DOCK7: variants seen among roughly 807,000 people sequenced by gnomAD.
The protein encoded by DOCK7 is dedicator of cytokinesis protein 7.
Under a neutral mutation model 271.0 loss-of-function variants are expected in DOCK7, and 138 were observed. The observed-to-expected ratio is 0.51, with a 90% CI of 0.44 to 0.59. DOCK7 has a LOEUF of 0.59. Ranked by LOEUF, DOCK7 falls within the 20% of genes least tolerant of loss-of-function variation. The probability of loss-of-function intolerance (pLI) is 0.00; values close to 1 mark genes in which losing one functional copy is unlikely to be tolerated. For synonymous variants in DOCK7, 823 were observed against 876.1 expected (o/e 0.94, Z 1.07); for missense variants, 2,066 against 2,592.4 (o/e 0.80, Z 4.41).
At chr1:62,534,959 C>T (rs762643900) in intron 29 of DOCK7, among the ~76,000 whole-genome samples, 14 of 152,128 alleles carry the variant, frequency 9.2e-5, no homozygotes, top group South Asian at 4.1e-4. Flanking sequence ...GGTGTGGTGA[C>T]GTGTGCCTGT....
chr1:62,525,859 A>G (rs1336051648), intron 31 of DOCK7, among the ~76,000 whole-genome samples: 1 of 152,252 alleles, frequency 6.6e-6, no homozygotes, highest in African/African-American at 2.4e-5. Context: ...AGGAAGGGAG[A>G]AAGTATTTGT....
chr1:62,597,954 G>C, intron 14 of DOCK7: 1 of 1,551,748 alleles, frequency 6.4e-7, no homozygotes, highest in Non-Finnish European at 8.6e-7. Context: ...CCTCCTAGAA[G>C]AAAAAATTCT....
chr1:62,558,860 C>T, intron 20 of DOCK7, 129 bp downstream of exon 20: 4 of 716,378 alleles, frequency 5.6e-6, no homozygotes, highest in Non-Finnish European at 8.8e-6. Context: ...AAGTAAATAA[C>T]ATCTTCCACC....
intron 14 of DOCK7, chr1:62,604,978 C>T (rs1650759337): frequency 1.5e-6 from 1 of 680,130 alleles, no homozygotes; most frequent in Non-Finnish European, 2.5e-6. Flanking sequence ...AATCACATAA[C>T]CTTAAAGAAT....
intron 31 of DOCK7, among the ~76,000 whole-genome samples, chr1:62,523,753 G>C (rs1025315378): frequency 2.6e-5 from 4 of 152,080 alleles, no homozygotes; most frequent in Admixed American, 2.6e-4. Context: ...TATAGTCCCA[G>C]CTACTCAGGA....
At position 62,454,938 on chromosome 1, in the gene DOCK7, G is replaced by T; in HGVS notation, c.*476C>A. 3.1e-6 allele frequency: 1 copy of T among 320,352 alleles called. No homozygotes were observed. The highest frequency in any genetic ancestry group is 4.6e-5 in the East Asian group (1 of 21,506). 19.8% of individuals were successfully genotyped at this position (320,352 alleles called of 1,614,324 possible). On this transcript the variant is annotated 3_prime_UTR_variant, in exon 50 of 50. Transcript: ENST00000635253. ...TTTTATTCTGCTAGGTTTGGAACTA[G>T]TTCTTGAGTCAACCCTTTAATTGTT... is the stretch of plus-strand genomic sequence containing the variant.
In DOCK7 at chr1:62,552,861, C is replaced by T; in HGVS notation, c.2637G>A (p.Met879Ile). ...GLGGSVHYAT[M>I]ARSAVRPASL... ...TTGCAGGTCTCACCGCAGATCTAGCCATTGTGGCATAATGCACTGATCCTC... is the reference window on the plus strand; with the variant it reads ...TTGCAGGTCTCACCGCAGATCTAGCTATTGTGGCATAATGCACTGATCCTC... Residue 879 changes from methionine to isoleucine, a missense_variant, in exon 22 of 50, where the codon ATG (methionine) becomes ATA (isoleucine). Physicochemically the swap from Met to Ile is conservative, Grantham distance 10 (BLOSUM62 1). This residue lies in a region of DOCK7 where 1,414 missense variants were observed against 1,670.4 expected (regional missense o/e 0.85). Transcript: ENST00000635253. 6.2e-7 allele frequency: 1 copy of T among 1,613,456 alleles called. No individual in the cohort carries two copies. Among genetic ancestry groups the T allele is most frequent in the Non-Finnish European group, 8.5e-7 (1 of 1,179,790 alleles).
At chr1:62,613,319 T>C (rs771847768) in intron 14 of DOCK7, among the ~76,000 whole-genome samples, 60 of 152,164 alleles carry the variant, frequency 3.9e-4, no homozygotes, top group Non-Finnish European at 1.9e-4. Context: ...GAAACTACCA[T>C]ATATTTGTGT....
At chr1:62,563,794 A>C (rs76767307) in intron 18 of DOCK7, among the ~76,000 whole-genome samples, 4,432 of 136,632 alleles carry the variant, frequency 0.032, 162 homozygotes, top group African/African-American at 0.09. Flanking sequence ...TGCTGTATTC[A>C]GGAGACCCAC....
Position 62,528,171 on chromosome 1 carries a change from T to A in DOCK7, c.3916A>T (p.Ser1306Cys). ...TSVPQLTRPG[S>C]FLLTSTSGRQ... ...TTTACCGTTGACGTGAGGAGGAAAC[T>A]GCCAGGCCTTGTTAGTTGAGGGACC... The change falls in exon 31 of 50, where the codon AGT becomes TGT. Residue 1306 changes from serine (S) to cysteine (C), a missense_variant. Around this residue, in one of 2 missense-constraint regions of DOCK7, gnomAD observed 1,414 missense variants for 1,670.4 expected, o/e 0.85. Coordinates refer to ENST00000635253, the MANE Select transcript of DOCK7 (RefSeq NM_001367561.1). 1 of 1,612,324 alleles carries A rather than the reference T, an allele frequency of 6.2e-7. No homozygotes were observed. The highest frequency in any genetic ancestry group is 8.5e-7 in the Non-Finnish European group (1 of 1,179,336).
At chr1:62,491,154 T>C (rs1326153287) in intron 41 of DOCK7, among the ~76,000 whole-genome samples, 1 of 152,244 alleles carries the variant, frequency 6.6e-6, no homozygotes, top group Non-Finnish European at 1.5e-5. Context: ...AGACAACTAC[T>C]AAATGGCAGA....
At chr1:62,542,485 A>T in intron 25 of DOCK7, 123 bp downstream of exon 25, 1 of 864,132 alleles carries the variant, frequency 1.2e-6, no homozygotes, top group Non-Finnish European at 1.8e-6. Context: ...ATTTTGTCTT[A>T]GAGGCACATG....
In DOCK7 at chr1:62,543,751, G is replaced by C. The variant is rs761835891; in HGVS notation, c.2860-6C>G. 2.6e-6 allele frequency: 4 copies of C among 1,567,436 alleles called. No individual in the cohort carries two copies. In the South Asian group the frequency reaches 3.5e-5, roughly 14 times the overall value. On this transcript the variant is annotated splice_polypyrimidine_tract_variant and splice_region_variant and intron_variant, in intron 23 of 49. Transcript: ENST00000635253. Reference sequence around the variant, plus strand: ...TTACAACTTCGATCCATAGCCTATGGAGTGAAGATGAATGAATGACGAGAT... The same window carrying C: ...TTACAACTTCGATCCATAGCCTATGCAGTGAAGATGAATGAATGACGAGAT...
chr1:62,600,525 A>T (rs1399393713), intron 14 of DOCK7, among the ~76,000 whole-genome samples: 1 of 151,826 alleles, frequency 6.6e-6, no homozygotes. Context: ...CAACACACTT[A>T]AATAAAAATA....
chr1:62,613,174 A>C (rs1652008437), intron 14 of DOCK7, among the ~76,000 whole-genome samples: 1 of 152,192 alleles, frequency 6.6e-6, no homozygotes, highest in South Asian at 2.1e-4. Context: ...TGGTTTACTT[A>C]ATGTTAACAA....
chr1:62,526,002 T>C (rs545117941), intron 31 of DOCK7, among the ~76,000 whole-genome samples: 2 of 152,286 alleles, frequency 1.3e-5, no homozygotes, highest in East Asian at 3.9e-4. Context: ...AATGGCACAA[T>C]CCTGGCTCAC....
intron 11 of DOCK7, chr1:62,628,919 G>A (rs954773127): frequency 3.3e-5 from 5 of 152,202 alleles, no homozygotes; most frequent in Admixed American, 6.5e-5. Flanking sequence ...TAAAAAATGA[G>A]CAAAGGTTAA....
At chr1:62,539,453 T>C in intron 27 of DOCK7, 92 bp downstream of exon 27, 4 of 1,084,076 alleles carry the variant, frequency 3.7e-6, no homozygotes, top group Non-Finnish European at 5.3e-6. Context: ...AGTATATAAA[T>C]GTGCTCTTAA....
intron 9 of DOCK7, 63 bp from the exon 10 acceptor site, chr1:62,633,641 A>C (rs1029820949): frequency 1.8e-6 from 2 of 1,131,046 alleles, no homozygotes; most frequent in Non-Finnish European, 2.6e-6. Flanking sequence ...GGATGGTTCA[A>C]TATACGAAAA....
Sources: allele counts gnomAD v4.1 joint callset (sites outside exome capture counted in the v4.1 genomes callset), GRCh38; gene constraint gnomAD v4.1.1; regional missense constraint gnomAD v4.1.1; transcripts MANE v1.5; gene names NCBI Gene and HGNC (gene_info 2026-07-23, HGNC 2026-07-21).